Variants in NDUFS4 observed in about 807,000 individuals in gnomAD.
The protein encoded by NDUFS4 is NADH:ubiquinone oxidoreductase subunit S4.
In NDUFS4, 28 loss-of-function variants were observed where a neutral mutation model predicts 24.3. The observed-to-expected ratio is 1.15, with a 90% CI of 0.85 to 1.58. The LOEUF (loss-of-function observed/expected upper bound fraction) is 1.58, where lower values mean the gene tolerates loss of function less well. Ranked by LOEUF, NDUFS4 falls within the 40% of genes most tolerant of loss-of-function variation. The pLI, the probability that NDUFS4 is intolerant of heterozygous loss-of-function variation, is 0.00. For missense variants in NDUFS4, 223 were observed against 207.9 expected, an observed-to-expected ratio of 1.07 and a Z score of -0.45; for synonymous variants, 93 against 69.7, an observed-to-expected ratio of 1.34 and a Z score of -1.67.
chr5:53,619,506 A>C (rs1014457711), intron 2 of NDUFS4, among the ~76,000 whole-genome samples: 1 of 150,594 alleles, frequency 6.6e-6, no homozygotes, highest in Non-Finnish European at 1.5e-5. Flanking sequence ...AAAAAAAAAA[A>C]AACACATTAT....
chr5:53,596,830 A>C (rs1750148536), intron 1 of NDUFS4, among the ~76,000 whole-genome samples: 2 of 152,210 alleles, frequency 1.3e-5, no homozygotes, highest in Admixed American at 1.3e-4. Context: ...TGACTCCATA[A>C]TGGTTTTTAT....
At chr5:53,582,596 C>T (rs867788265) in intron 1 of NDUFS4, among the ~76,000 whole-genome samples, 4 of 152,190 alleles carry the variant, frequency 2.6e-5, no homozygotes, top group South Asian at 4.1e-4. Context: ...GAATTAATTT[C>T]GTTTTTTCTT....
In NDUFS4 at chr5:53,681,205, C is replaced by T. The variant is rs1049083988; in HGVS notation, c.425-1913C>T. Among the ~76,000 whole-genome samples, 37 of 152,112 alleles carry T rather than the reference C, an allele frequency of 2.4e-4. 1 individual carries two copies. The highest frequency in any genetic ancestry group is 7.4e-5 in the Non-Finnish European group (5 of 68,004). ...AGCATAATAGGTAAGTTGTAGCCTCCAGAATCTGGCCGTCTGTGTTTAAAT... is the reference window on the plus strand; with the variant it reads ...AGCATAATAGGTAAGTTGTAGCCTCTAGAATCTGGCCGTCTGTGTTTAAAT... On this transcript the variant is annotated intron_variant, in intron 4 of 4. Coordinates refer to ENST00000296684, the MANE Select transcript of NDUFS4 (RefSeq NM_002495.4).
intron 2 of NDUFS4, among the ~76,000 whole-genome samples, chr5:53,645,320 A>T (rs377159): frequency 0.2 from 31,052 of 152,070 alleles, 3,691 homozygotes; most frequent in East Asian, 0.47. Context: ...GAATTTTTGC[A>T]ATCAGACCTT....
intron 2 of NDUFS4, among the ~76,000 whole-genome samples, chr5:53,614,295 G>A (rs1046752380): frequency 6.6e-6 from 1 of 151,800 alleles, no homozygotes. Flanking sequence ...TTTTTATGTA[G>A]TATCAAGCTG....
intron 1 of NDUFS4, among the ~76,000 whole-genome samples, chr5:53,569,399 T>G (rs1042366022): frequency 6.6e-6 from 1 of 152,144 alleles, no homozygotes; most frequent in African/African-American, 2.4e-5. Context: ...AAAGTGATAT[T>G]TTGGCAGGCA....
intron 1 of NDUFS4, among the ~76,000 whole-genome samples, chr5:53,584,358 GCTT>G (rs1007386982): frequency 6.6e-6 from 1 of 152,048 alleles, no homozygotes; most frequent in Admixed American, 6.6e-5. Context: ...GTTCAACTGA[GCTT>G]CTTTTTTTTT....
chr5:53,583,875 A>G (rs541842823), intron 1 of NDUFS4, among the ~76,000 whole-genome samples: 45 of 152,344 alleles, frequency 3.0e-4, no homozygotes, highest in African/African-American at 1.1e-3. Flanking sequence ...AGTGTTGCCA[A>G]CCGTGGTTGC....
intron 1 of NDUFS4, 130 bp downstream of exon 1, chr5:53,560,890 G>T: frequency 3.9e-6 from 6 of 1,536,132 alleles, no homozygotes; most frequent in Non-Finnish European, 4.4e-6. Flanking sequence ...GGGAGAAGTC[G>T]GGCGGACTAG....
chr5:53,613,817 G>A (rs1266278068), intron 2 of NDUFS4, among the ~76,000 whole-genome samples: 1 of 151,940 alleles, frequency 6.6e-6, no homozygotes, highest in African/African-American at 2.4e-5. Context: ...TGTCATGTGT[G>A]TATGTAGGAG....
intron 1 of NDUFS4, among the ~76,000 whole-genome samples, chr5:53,574,796 T>G (rs892925049): frequency 6.6e-6 from 1 of 152,150 alleles, no homozygotes; most frequent in African/African-American, 2.4e-5. Context: ...TTATATTATA[T>G]TCGGAGAACC....
intron 4 of NDUFS4, among the ~76,000 whole-genome samples, chr5:53,680,849 T>A (rs954600826): frequency 1.3e-5 from 2 of 151,766 alleles, no homozygotes; most frequent in Non-Finnish European, 2.9e-5. Flanking sequence ...ATAATAATAA[T>A]AAAAAAATAC....
rs376719046 is a variant in NDUFS4 at position 53,601,057 on chromosome 5, T to G, written c.99-2395T>G. Among the ~76,000 whole-genome samples, 308 of 149,542 alleles carry G rather than the reference T, an allele frequency of 2.1e-3. 1 individual carries two copies. The highest frequency in any genetic ancestry group is 0.02 in the East Asian group (103 of 5,076). On this transcript the variant is annotated intron_variant, in intron 1 of 4. Coordinates refer to ENST00000296684, the MANE Select transcript of NDUFS4 (RefSeq NM_002495.4). Reference sequence around the variant, plus strand: ...TCTTGCTCTGTCGCCCAGGCTGGAGTGCAGTGGCGCGATCTCAGCTCACTG... The same window carrying G: ...TCTTGCTCTGTCGCCCAGGCTGGAGGGCAGTGGCGCGATCTCAGCTCACTG...
At chr5:53,612,689 C>G (rs560429209) in intron 2 of NDUFS4, among the ~76,000 whole-genome samples, 2 of 152,150 alleles carry the variant, frequency 1.3e-5, no homozygotes, top group East Asian at 3.9e-4. Flanking sequence ...CTGAGGCTTG[C>G]AATAAATAAA....
rs780599001 is a variant in NDUFS4, at chr5:53,580,775, CTCTCTCTTTCTTTCTCTT to C, written c.98+20030_98+20047del. Among the ~76,000 whole-genome samples, 177 of 137,884 alleles carry C rather than the reference CTCTCTCTTTCTTTCTCTT, an allele frequency of 1.3e-3. 3 individuals are homozygous for C. In the South Asian group the frequency reaches 0.034, roughly 27 times the overall value. 90.5% of individuals were successfully genotyped at this position (137,884 alleles called of 152,430 possible). A position where few individuals can be genotyped will look rare whatever the true frequency, so the allele number is the denominator to read the frequency against. On this transcript the variant is annotated intron_variant, in intron 1 of 4. Coordinates refer to ENST00000296684, the MANE Select transcript of NDUFS4 (RefSeq NM_002495.4). ...CCTTTCTCTTTCTTTCTTTCTTTCT[CTCTCTCTTTCTTTCTCTT>C]TCTCTCTTTCTTTCCCTTTCTTTTC... is the stretch of plus-strand genomic sequence containing the variant.
intron 2 of NDUFS4, among the ~76,000 whole-genome samples, chr5:53,623,763 G>T (rs1474016586): frequency 6.6e-6 from 1 of 151,974 alleles, no homozygotes. Flanking sequence ...CTGTCACCCA[G>T]GCTAGAGTGC....
chr5:53,595,425 C>T (rs1159368201), intron 1 of NDUFS4, among the ~76,000 whole-genome samples: 3 of 152,120 alleles, frequency 2.0e-5, no homozygotes, highest in South Asian at 2.1e-4. Flanking sequence ...AGCCAGTAGA[C>T]GTATTCTTCT....
intron 2 of NDUFS4, among the ~76,000 whole-genome samples, chr5:53,609,111 TCTC>T (rs1445944418): frequency 1.3e-5 from 2 of 152,198 alleles, no homozygotes; most frequent in African/African-American, 4.8e-5. Context: ...GCTATTTTCA[TCTC>T]CTATGAGTCA....
intron 2 of NDUFS4, among the ~76,000 whole-genome samples, chr5:53,644,035 A>G (rs1751774846): frequency 6.6e-6 from 1 of 152,162 alleles, no homozygotes; most frequent in Non-Finnish European, 1.5e-5. Context: ...TTTTCTATAT[A>G]CTGTCCTTTC....
Sources: gnomAD v4.1 joint callset for allele counts (sites outside exome capture counted in the v4.1 genomes callset) on GRCh38, gnomAD v4.1.1 for gene constraint, MANE v1.5 for transcripts, NCBI Gene and HGNC (gene_info 2026-07-23, HGNC 2026-07-21) for gene names.